Variants in DPP10 observed in about 807,000 individuals in gnomAD.
The protein encoded by DPP10 is inactive dipeptidyl peptidase 10.
Under a neutral mutation model 120.9 loss-of-function variants are expected in DPP10, and 33 were observed. That is an observed-to-expected ratio of 0.27 (90% CI 0.21 to 0.37). The LOEUF (loss-of-function observed/expected upper bound fraction) is 0.37. DPP10 is among the 10% of genes least tolerant of loss of function. DPP10 has a pLI of 1.00. For missense variants in DPP10, 816 were observed against 942.8 expected (o/e 0.87, Z 1.76); for synonymous variants, 337 against 326.1 (o/e 1.03, Z -0.36).
intron 17 of DPP10, among the ~76,000 whole-genome samples, chr2:115,788,161 T>G (rs2149897570): frequency 6.6e-6 from 1 of 152,246 alleles, no homozygotes; most frequent in East Asian, 1.9e-4. Context: ...AGATTCCAAT[T>G]TACGTGTAAC....
intron 5 of DPP10, among the ~76,000 whole-genome samples, chr2:115,538,448 G>T (rs918874267): frequency 2.6e-5 from 4 of 151,866 alleles, no homozygotes; most frequent in Non-Finnish European, 5.9e-5. Context: ...ATAGATAAAA[G>T]TATACTTATC....
chr2:114,630,176 A>G (rs1488437761), intron 1 of DPP10, among the ~76,000 whole-genome samples: 4 of 152,158 alleles, frequency 2.6e-5, no homozygotes, highest in African/African-American at 9.7e-5. Context: ...CTAAAATTTT[A>G]AAAGAACACA....
At chr2:114,920,820 T>G (rs578234507) in intron 1 of DPP10, among the ~76,000 whole-genome samples, 9 of 152,190 alleles carry the variant, frequency 5.9e-5, no homozygotes, top group Non-Finnish European at 1.0e-4. Context: ...CCCAGTCTAC[T>G]CAAGAACAGT....
chr2:115,748,229 G>GTT (rs11284953), intron 10 of DPP10, among the ~76,000 whole-genome samples: 1 of 145,960 alleles, frequency 6.9e-6, no homozygotes, highest in Admixed American at 6.8e-5. Context: ...ATGTTTATGG[G>GTT]TTTTTTTTTT....
chr2:114,939,668 T>G (rs1329498747), intron 1 of DPP10, among the ~76,000 whole-genome samples: 1 of 152,150 alleles, frequency 6.6e-6, no homozygotes, highest in African/African-American at 2.4e-5. Flanking sequence ...AATTCTCCTC[T>G]TAATTTTTAA....
intron 1 of DPP10, among the ~76,000 whole-genome samples, chr2:115,091,274 C>A (rs1369794812): frequency 6.6e-6 from 1 of 152,152 alleles, no homozygotes; most frequent in Non-Finnish European, 1.5e-5. Flanking sequence ...TCCCTCAGAC[C>A]ACTTTCACAC....
At chr2:115,143,784 G>A (rs2051060297) in intron 1 of DPP10, among the ~76,000 whole-genome samples, 1 of 152,148 alleles carries the variant, frequency 6.6e-6, no homozygotes, top group African/African-American at 2.4e-5. Flanking sequence ...AATCTCCCCG[G>A]ATACCCAATG....
chr2:114,832,114 A>G (rs1202656903), intron 1 of DPP10, among the ~76,000 whole-genome samples: 1 of 152,092 alleles, frequency 6.6e-6, no homozygotes, highest in Non-Finnish European at 1.5e-5. Context: ...GTTATGAAAT[A>G]CTCAATGCTC....
intron 5 of DPP10, among the ~76,000 whole-genome samples, chr2:115,569,575 A>C (rs1285920368): frequency 6.6e-6 from 1 of 152,240 alleles, no homozygotes; most frequent in Non-Finnish European, 1.5e-5. Flanking sequence ...TATCTACGCA[A>C]TCAAGGGATA....
chr2:115,482,293 T>C (rs920877486), intron 3 of DPP10, among the ~76,000 whole-genome samples: 2 of 134,852 alleles, frequency 1.5e-5, no homozygotes, highest in African/African-American at 2.6e-5. Context: ...AGATTATATA[T>C]ATATATATCT....
chr2:115,658,278 A>G (rs1188402348), intron 5 of DPP10, among the ~76,000 whole-genome samples: 1 of 151,674 alleles, frequency 6.6e-6, no homozygotes, highest in Non-Finnish European at 1.5e-5. Context: ...ACTTCTTTCT[A>G]CCCCTTTAGT....
chr2:115,701,138 T>G (rs2091870462), intron 7 of DPP10, among the ~76,000 whole-genome samples: 1 of 152,042 alleles, frequency 6.6e-6, no homozygotes, highest in Admixed American at 6.6e-5. Context: ...ATCCGAAACA[T>G]TTGTAAAAAA....
At chr2:115,373,977 CA>C (rs1214226051) in intron 3 of DPP10, among the ~76,000 whole-genome samples, 2 of 151,810 alleles carry the variant, frequency 1.3e-5, no homozygotes, top group Admixed American at 6.6e-5. Flanking sequence ...ATGAGAAAAA[CA>C]AGGCGGATAT....
intron 1 of DPP10, among the ~76,000 whole-genome samples, chr2:114,656,420 G>A (rs1460802275): frequency 6.6e-6 from 1 of 152,110 alleles, no homozygotes; most frequent in East Asian, 1.9e-4. Context: ...GAAGATAAAG[G>A]AGAGGACGGA....
At chr2:115,010,422 T>C (rs1702179019) in intron 1 of DPP10, among the ~76,000 whole-genome samples, 1 of 152,190 alleles carries the variant, frequency 6.6e-6, no homozygotes, top group Admixed American at 6.5e-5. Flanking sequence ...GATGTATTTT[T>C]ATTGCTGAGA....
chr2:115,337,331 A>G (rs1268169969), intron 2 of DPP10, among the ~76,000 whole-genome samples: 4 of 152,102 alleles, frequency 2.6e-5, no homozygotes, highest in African/African-American at 7.2e-5. Flanking sequence ...AAAGGCAATA[A>G]GAATATTCCT....
intron 1 of DPP10, among the ~76,000 whole-genome samples, chr2:114,877,417 A>G (rs1485369532): frequency 2.0e-5 from 3 of 151,998 alleles, no homozygotes; most frequent in African/African-American, 4.8e-5. Flanking sequence ...TACTTTCTCC[A>G]TTGGAAGCCA....
At chr2:115,512,204 A>C (rs2077269960) in intron 4 of DPP10, among the ~76,000 whole-genome samples, 1 of 151,910 alleles carries the variant, frequency 6.6e-6, no homozygotes, top group Non-Finnish European at 1.5e-5. Context: ...AGGCTTAAGC[A>C]ACCTTCCCAC....
rs909889691 is a variant in DPP10 at position 114,613,646 on chromosome 2, A to G, written c.60+170808A>G. 2.0e-5 allele frequency among the ~76,000 whole-genome samples: 3 copies of G among 152,290 alleles called. 1 individual carries two copies. In the South Asian group the frequency reaches 6.2e-4, roughly 32 times the overall value. On this transcript the variant is annotated intron_variant, in intron 1 of 25. Transcript: ENST00000410059. ...CCAAAGGATTATAAATCATTCTACGATAAAGACAAGACACATGCACACGTA... is the reference window on the plus strand; with the variant it reads ...CCAAAGGATTATAAATCATTCTACGGTAAAGACAAGACACATGCACACGTA...
Sources: allele counts gnomAD v4.1 joint callset (sites outside exome capture counted in the v4.1 genomes callset), GRCh38; gene constraint gnomAD v4.1.1; transcripts MANE v1.5; gene names NCBI Gene and HGNC (gene_info 2026-07-23, HGNC 2026-07-21).